Variants in RIPPLY2 observed in about 807,000 individuals in gnomAD.
RIPPLY2 encodes the protein ripply transcriptional repressor 2.
In RIPPLY2, 20 loss-of-function variants were observed where a neutral mutation model predicts 17.7. The ratio of observed to expected loss-of-function variants is 1.13; its 90% confidence interval spans 0.79 to 1.64. RIPPLY2 has a LOEUF of 1.64. Among genes scored for constraint, RIPPLY2 ranks in the 40% most tolerant of loss-of-function variants. RIPPLY2 has a pLI of 0.00. For synonymous variants in RIPPLY2, 69 were observed against 63.9 expected (o/e 1.08, Z -0.38); for missense variants, 213 against 169.8 (o/e 1.25, Z -1.41).
At position 83,857,449 on chromosome 6, in the gene RIPPLY2, T is replaced by G; in HGVS notation, c.*60T>G. ...GTGGGGTTTAAATTTAGTGTACAAA[T>G]GTATCATAATTATTTTAAACTAATT... On this transcript the variant is annotated 3_prime_UTR_variant, in exon 4 of 4. Transcript: ENST00000369689. 9.4e-7 allele frequency: 1 copy of G among 1,064,148 alleles called. No homozygotes were observed. 65.9% of individuals were successfully genotyped at this position (1,064,148 alleles called of 1,614,324 possible).
chr6:83,856,571 A>C (rs1468254841), intron 3 of RIPPLY2: 3 of 152,210 alleles, frequency 2.0e-5, no homozygotes, highest in Non-Finnish European at 4.4e-5. Context: ...AACATATATA[A>C]TTTCTCAACA....
upstream of RIPPLY2, chr6:83,853,295 A>T: frequency 1.4e-6 from 1 of 715,574 alleles, no homozygotes. Flanking sequence ...GCGGAGAGGC[A>T]GCGAACCTCT....
At chr6:83,854,437 T>A (rs770492910) in intron 3 of RIPPLY2, 76 of 495,848 alleles carry the variant, frequency 1.5e-4, no homozygotes, top group Non-Finnish European at 2.4e-4. Flanking sequence ...AGCGGTGACA[T>A]CTTGTGCTGG....
At chr6:83,853,570 C>T (rs1324914267) in intron 1 of RIPPLY2, 59 bp downstream of exon 1, 6 of 1,530,538 alleles carry the variant, frequency 3.9e-6, no homozygotes, top group East Asian at 4.9e-5. Flanking sequence ...CCTCCTGCGC[C>T]TCCCCAGCTC....
chr6:83,855,555 T>C (rs775790941), intron 3 of RIPPLY2: 12 of 152,180 alleles, frequency 7.9e-5, no homozygotes, highest in Non-Finnish European at 1.8e-4. Context: ...GAATGTAAAT[T>C]AGGGCCGAAA....
chr6:83,853,581 C>T (rs1389631619), intron 1 of RIPPLY2, 70 bp downstream of exon 1: 5 of 1,535,558 alleles, frequency 3.3e-6, no homozygotes, highest in Middle Eastern at 1.9e-4. Context: ...TCCCCAGCTC[C>T]TCCCCTCCAA....
intron 3 of RIPPLY2, chr6:83,856,306 A>C (rs2099454975): frequency 6.6e-6 from 1 of 152,236 alleles, no homozygotes; most frequent in African/African-American, 2.4e-5. Context: ...AACATTTATA[A>C]ACTGCATTGT....
Position 83,854,062 on chromosome 6 carries a change from G to A in RIPPLY2, c.175-35G>A, listed in dbSNP as rs2099454622. 4 of 1,584,718 alleles carry A rather than the reference G, an allele frequency of 2.5e-6. No homozygotes were observed. In the African/African-American group the frequency reaches 5.4e-5, roughly 21 times the overall value. ...ACGTTTCCACTTTCTAGAAGGAGGTGGGTGATAACTGGATTCACTTCCTTT... is the reference window on the plus strand; with the variant it reads ...ACGTTTCCACTTTCTAGAAGGAGGTAGGTGATAACTGGATTCACTTCCTTT... On this transcript the variant is annotated intron_variant, in intron 2 of 3. Transcript: ENST00000369689.
Position 83,857,250 on chromosome 6 carries a change from G to T in RIPPLY2, c.248G>T (p.Trp83Leu). 1 of 1,494,600 alleles carries T rather than the reference G, an allele frequency of 6.7e-7. No individual in the cohort carries two copies. Among genetic ancestry groups the T allele is most frequent in the Non-Finnish European group, 8.9e-7 (1 of 1,121,710 alleles). 92.6% of individuals were successfully genotyped at this position (1,494,600 alleles called of 1,614,324 possible). The change falls in exon 4 of 4, where the codon TGG becomes TTG. Residue 83 changes from tryptophan (W) to leucine (L), a missense_variant. Trp to Leu is a moderately conservative substitution (Grantham distance 61). Coordinates refer to ENST00000369689, the MANE Select transcript of RIPPLY2 (RefSeq NM_001009994.3). ...YQFRHPVRLF[W>L]PKSKCYDYLY... ...TTGTCTGCTTCTTTCAGACTATTTT[G>T]GCCAAAATCAAAATGTTATGATTAC...
chr6:83,857,406 T>G lies in RIPPLY2; in HGVS notation c.*17T>G. On this transcript the variant is annotated 3_prime_UTR_variant, in exon 4 of 4. Coordinates refer to ENST00000369689, the MANE Select transcript of RIPPLY2 (RefSeq NM_001009994.3). Reference sequence around the variant, plus strand: ...GAAAATTAATCTGATTAGCTACTTTTGATTATATCCAAAGCTTGTGGGGTT... The same window carrying G: ...GAAAATTAATCTGATTAGCTACTTTGGATTATATCCAAAGCTTGTGGGGTT... 6.5e-7 allele frequency: 1 copy of G among 1,541,594 alleles called. No homozygotes were observed. Among genetic ancestry groups the G allele is most frequent in the Non-Finnish European group, 8.7e-7 (1 of 1,146,178 alleles).
chr6:83,854,652 A>C (rs2099454729), intron 3 of RIPPLY2: 1 of 155,732 alleles, frequency 6.4e-6, no homozygotes. Context: ...AAAGGGTCAA[A>C]AGTTTATTTA....
intron 3 of RIPPLY2, chr6:83,856,564 A>G (rs542376156): frequency 2.6e-5 from 4 of 152,340 alleles, no homozygotes; most frequent in Non-Finnish European, 5.9e-5. Context: ...TGTATAAAAC[A>G]TATATAATTT....
Position 83,854,110 on chromosome 6 carries a change from C to T in RIPPLY2, c.188C>T (p.Pro63Leu). 1 of 1,614,134 alleles carries T rather than the reference C, an allele frequency of 6.2e-7. No individual in the cohort carries two copies. Among genetic ancestry groups the T allele is most frequent in the Non-Finnish European group, 8.5e-7 (1 of 1,180,010 alleles). Residue 63 changes from proline (P) to leucine (L), a missense_variant, in exon 3 of 4, where the codon CCT becomes CTT. Physicochemically the swap from Pro to Leu is moderately conservative, Grantham distance 98. Transcript: ENST00000369689. ...TTTCCTCTCCAGATGCCCGATGGCC[C>T]TGGAATGACCGCAGCCTCAGGAAAG... ...NHAAEAMPDG[P>L]GMTAASGKLY...
intron 3 of RIPPLY2, 29 bp downstream of exon 3, chr6:83,854,190 C>A: frequency 6.3e-7 from 1 of 1,595,178 alleles, no homozygotes; most frequent in Non-Finnish European, 8.6e-7. Context: ...CGAAGGTCTC[C>A]CGCTCCTCCA....
intron 3 of RIPPLY2, chr6:83,855,169 T>C (rs2099454803): frequency 6.6e-6 from 1 of 152,178 alleles, no homozygotes; most frequent in Admixed American, 6.5e-5. Flanking sequence ...GTGTGTGAAG[T>C]TGTGGTCATT....
intron 3 of RIPPLY2, chr6:83,856,725 A>G (rs1161279200): frequency 6.6e-6 from 1 of 152,154 alleles, no homozygotes; most frequent in African/African-American, 2.4e-5. Flanking sequence ...ATACATTTTT[A>G]AACTTACGTT....
At chr6:83,854,191 C>A in intron 3 of RIPPLY2, 30 bp downstream of exon 3, 1 of 1,591,662 alleles carries the variant, frequency 6.3e-7, no homozygotes, top group South Asian at 1.1e-5. Context: ...GAAGGTCTCC[C>A]GCTCCTCCAG....
At chr6:83,853,332 T>C (rs528040689), upstream of RIPPLY2, 134 of 1,115,220 alleles carry the variant, frequency 1.2e-4, no homozygotes, top group Middle Eastern at 1.4e-3. Flanking sequence ...GCGAGGGCTA[T>C]ATAAAGCTCG....
chr6:83,853,755 G>C lies in RIPPLY2; in HGVS notation c.156G>C (p.Pro52=). The C allele has an allele frequency of 1.2e-6, 2 of 1,613,066 alleles. No individual in the cohort carries two copies. Among genetic ancestry groups the C allele is most frequent in the Non-Finnish European group, 1.7e-6 (2 of 1,179,822 alleles). ...DAGGKKEEET[P]NHAAEAMPDG... ...GAGGCAAGAAAGAAGAGGAGACGCC[G>C]AACCACGCCGCGGAGGCGGTGAGTG... is the stretch of plus-strand genomic sequence containing the variant. Residue 52 remains proline, a synonymous_variant, in exon 2 of 4, where the codon CCG becomes CCC. Coordinates refer to ENST00000369689, the MANE Select transcript of RIPPLY2 (RefSeq NM_001009994.3).
Sources: gnomAD v4.1 joint callset for allele counts on GRCh38, gnomAD v4.1.1 for gene constraint, MANE v1.5 for transcripts, NCBI Gene and HGNC (gene_info 2026-07-23, HGNC 2026-07-21) for gene names.